Variants in SI observed in about 807,000 individuals in gnomAD.
SI encodes sucrase-isomaltase, intestinal.
A neutral mutation model predicts 253.3 loss-of-function variants in SI; 235 were observed. The ratio of observed to expected loss-of-function variants is 0.93; its 90% CI spans 0.83 to 1.03. The LOEUF is 1.03. Among genes scored for constraint, SI ranks in the 50% least tolerant of loss-of-function variants. The probability of loss-of-function intolerance (pLI) is 0.00; values close to 1 mark genes in which losing one functional copy is unlikely to be tolerated. For synonymous variants in SI, 819 were observed against 712.0 expected (o/e 1.15, Z -2.39); for missense variants, 2,442 against 2,211.1 (o/e 1.10, Z -2.09).
Position 165,046,935 on chromosome 3 carries a change from G to C in SI, c.1793C>G (p.Ala598Gly), listed in dbSNP as rs1447266919. The C allele has an allele frequency of 3.7e-6, 6 of 1,612,444 alleles. No individual in the cohort carries two copies. The South Asian group carries it at 5.5e-5, about 15-fold the overall frequency. Residue 598 changes from alanine to glycine, a missense_variant, in exon 16 of 48, where the codon GCT becomes GGT. Physicochemically the swap from Ala to Gly is moderately conservative, Grantham distance 60 (BLOSUM62 0). Transcript: ENST00000264382. ...AGTATTGTCTCCTAACCAATGCGCA[G>C]CATGTCTTCCAGATCCAGCAAATGT... is the stretch of plus-strand genomic sequence containing the variant. Reference protein sequence around the residue: ...RSTFAGSGRHAAHWLGDNTAS... With the variant: ...RSTFAGSGRHGAHWLGDNTAS...
intron 44 of SI, among the ~76,000 whole-genome samples, chr3:164,989,906 T>C (rs1017065545): frequency 6.6e-6 from 1 of 152,176 alleles, no homozygotes; most frequent in Non-Finnish European, 1.5e-5. Flanking sequence ...AAAATATCAG[T>C]GGTTGCCACG....
intron 37 of SI, among the ~76,000 whole-genome samples, chr3:165,003,891 A>C (rs1175706420): frequency 6.6e-6 from 1 of 152,104 alleles, no homozygotes. Flanking sequence ...GAGGAATGAG[A>C]AGACCATTAA....
chr3:165,021,111 G>A lies in SI; in HGVS notation c.3254+118C>T, dbSNP rs577359334. On this transcript the variant is annotated intron_variant, in intron 27 of 47. Transcript: ENST00000264382. ...TAAAATGGGCAAAGTTATTTAACACGTCTTAAATTTTTTTGTGTGATGCTA... is the reference window on the plus strand; with the variant it reads ...TAAAATGGGCAAAGTTATTTAACACATCTTAAATTTTTTTGTGTGATGCTA... 2.0e-4 allele frequency: 167 copies of A among 821,430 alleles called. No homozygotes were observed. In the African/African-American group the frequency reaches 2.2e-3, roughly 11 times the overall value. 50.9% of individuals were successfully genotyped at this position (821,430 alleles called of 1,614,324 possible).
chr3:165,007,791 A>T lies in SI; in HGVS notation c.4267+120T>A, dbSNP rs559025715. ...TATCAAACTGATTTTTTATATATAC[A>T]TATATATTCTATATATATATTCTAT... On this transcript the variant is annotated intron_variant, in intron 36 of 47. Transcript: ENST00000264382. 8.0e-4 allele frequency: 241 copies of T among 301,608 alleles called. 1 individual carries two copies. Among genetic ancestry groups the T allele is most frequent in the African/African-American group, 5.1e-3 (225 of 43,936 alleles). 18.7% of individuals were successfully genotyped at this position (301,608 alleles called of 1,614,324 possible). A position where few individuals can be genotyped will look rare whatever the true frequency, so the allele number is the denominator to read the frequency against.
chr3:165,049,481 T>A (rs753646428), intron 14 of SI, among the ~76,000 whole-genome samples: 8 of 152,272 alleles, frequency 5.3e-5, no homozygotes, highest in African/African-American at 9.6e-5. Flanking sequence ...GCAAATACTC[T>A]GTTTCCTAAC....
chr3:165,069,060 T>TC lies in SI; in HGVS notation c.373+17_373+18insG. ...TAGAATATATCATATTGAATCATTA[T>TC]AACAGAGGACTTCTTACCAATACTT... On this transcript the variant is annotated intron_variant, in intron 4 of 47. Transcript: ENST00000264382. 6.7e-7 allele frequency: 1 copy of TC among 1,498,042 alleles called. No individual in the cohort carries two copies. 92.8% of individuals were successfully genotyped at this position (1,498,042 alleles called of 1,614,324 possible).
chr3:165,075,052 T>G (rs1259386016), intron 2 of SI, among the ~76,000 whole-genome samples: 1 of 151,698 alleles, frequency 6.6e-6, no homozygotes, highest in Non-Finnish European at 1.5e-5. Flanking sequence ...TGAGAAGAAA[T>G]TAGAGAAGAG....
rs769969193 is a variant in SI, at chr3:165,074,512, A to G, written c.255+19T>C. On this transcript the variant is annotated intron_variant, in intron 3 of 47. Coordinates refer to ENST00000264382, the MANE Select transcript of SI (RefSeq NM_001041.4). Reference sequence around the variant, plus strand: ...AATGTATATATTCATTAAAAATATTAAAGACTTTTGCTGCAGACCTCTGTT... The same window carrying G: ...AATGTATATATTCATTAAAAATATTGAAGACTTTTGCTGCAGACCTCTGTT... The G allele has an allele frequency of 6.5e-7, 1 of 1,549,936 alleles. No individual in the cohort carries two copies.
At chr3:165,068,986 A>C in intron 4 of SI, 92 bp downstream of exon 4, 1 of 1,076,480 alleles carries the variant, frequency 9.3e-7, no homozygotes, top group Non-Finnish European at 1.4e-6. Context: ...TCAGGAACAT[A>C]TTTCTTATTT....
Position 164,984,781 on chromosome 3 carries a change from A to G in SI, c.5198-1730T>C, listed in dbSNP as rs142666613. The stretch of plus-strand genomic sequence containing the variant: ...TTGTTACCACATTATAATATATCAC[A>G]AAATTTGAACATGTTTGTTTAAAAG... On this transcript the variant is annotated intron_variant, in intron 45 of 47. Coordinates refer to ENST00000264382, the MANE Select transcript of SI (RefSeq NM_001041.4). Among the ~76,000 whole-genome samples, 10 of 152,284 alleles carry G rather than the reference A, an allele frequency of 6.6e-5. No homozygotes were observed. In the East Asian group the frequency reaches 1.9e-3, roughly 29 times the overall value.
At chr3:165,071,297 A>G (rs1231069306) in intron 3 of SI, among the ~76,000 whole-genome samples, 1 of 151,822 alleles carries the variant, frequency 6.6e-6, no homozygotes, top group African/African-American at 2.4e-5. Context: ...AGATTTTGAT[A>G]CTTGTTATTT....
At chr3:165,001,173 A>G (rs1311619557) in intron 37 of SI, among the ~76,000 whole-genome samples, 1 of 151,382 alleles carries the variant, frequency 6.6e-6, no homozygotes, top group Non-Finnish European at 1.5e-5. Flanking sequence ...ATCAATTTAT[A>G]AACATTTTCC....
intron 27 of SI, 36 bp downstream of exon 27, chr3:165,021,193 A>G: frequency 1.3e-6 from 2 of 1,583,986 alleles, no homozygotes; most frequent in Non-Finnish European, 8.7e-7. Context: ...AGCTAAAATT[A>G]AAATATCCTT....
In SI at chr3:165,067,472, CT is replaced by C. The variant is rs775341266; in HGVS notation, c.502del (p.Arg168GlufsTer10). 6.2e-7 allele frequency: 1 copy of C among 1,609,892 alleles called. No homozygotes were observed. Among genetic ancestry groups the C allele is most frequent in the Non-Finnish European group, 8.5e-7 (1 of 1,176,538 alleles). ...ATACTGATGAGGAACTTCATATCTT[CT>C]ATTATTTGGATCAGTAATCTGGAAA... Reference protein sequence around the residue: ...FRFKITDPNNRRYEVPHQYVK... With the variant: ...FRFKITDPNNXRYEVPHQYVK... On this transcript the variant is annotated frameshift_variant, in exon 6 of 48. Transcript: ENST00000264382. LOFTEE classifies it high-confidence loss of function.
Position 165,055,215 on chromosome 3 carries a change from C to CA in SI, c.1490dup (p.Gln498AlafsTer3). On this transcript the variant is annotated frameshift_variant, in exon 13 of 48. Coordinates refer to ENST00000264382, the MANE Select transcript of SI (RefSeq NM_001041.4). LOFTEE classifies it high-confidence loss of function. ...TTACAATCCAAAGTCCATCATATTG[C>CA]ACTTCTTGATGGAAAATACTGCATT... The CA allele has an allele frequency of 6.2e-7, 1 of 1,606,398 alleles. No individual in the cohort carries two copies. Among genetic ancestry groups the CA allele is most frequent in the Non-Finnish European group, 8.5e-7 (1 of 1,173,614 alleles).
intron 13 of SI, among the ~76,000 whole-genome samples, chr3:165,051,532 G>A (rs1219533102): frequency 6.6e-6 from 1 of 151,960 alleles, no homozygotes; most frequent in Non-Finnish European, 1.5e-5. Flanking sequence ...GCAAATAAGT[G>A]TAGGTAAACT....
chr3:165,039,873 C>A lies in SI; in HGVS notation c.2244+14G>T. ...AAGTTCAAACAATAAGGTTATTAAA[C>A]CTGTAGAGCCTACCTGTTTTAGAAC... is the stretch of plus-strand genomic sequence containing the variant. On this transcript the variant is annotated intron_variant, in intron 19 of 47. Transcript: ENST00000264382. 6.4e-7 allele frequency: 1 copy of A among 1,570,634 alleles called. No homozygotes were observed. The highest frequency in any genetic ancestry group is 1.1e-5 in the South Asian group (1 of 90,284).
intron 7 of SI, 24 bp downstream of exon 7, chr3:165,065,237 A>C: frequency 6.7e-7 from 1 of 1,496,158 alleles, no homozygotes; most frequent in Non-Finnish European, 9.3e-7. Context: ...GATTTTATTT[A>C]TAACAAGAAA....
rs1414329258 is a variant in SI, at chr3:164,992,219, T to C, written c.4941A>G (p.Val1647=). ...TPVLEPYVQT[V]NAYVPNARWF... is the part of the protein sequence containing the mutation. Reference sequence around the variant, plus strand: ...ACCGAGCATTGGGGACGTAGGCATTTACAGTTTGAACATACTGGAATGTAA... The same window carrying C: ...ACCGAGCATTGGGGACGTAGGCATTCACAGTTTGAACATACTGGAATGTAA... The change falls in exon 43 of 48, where the codon GTA becomes GTG. Residue 1647 remains valine (V), a synonymous_variant. Transcript: ENST00000264382. The C allele has an allele frequency of 6.2e-7, 1 of 1,612,562 alleles. No individual in the cohort carries two copies. Among genetic ancestry groups the C allele is most frequent in the East Asian group, 2.2e-5 (1 of 44,836 alleles).
Sources: allele counts gnomAD v4.1 joint callset (sites outside exome capture counted in the v4.1 genomes callset), GRCh38; gene constraint gnomAD v4.1.1; transcripts MANE v1.5; gene names NCBI Gene and HGNC (gene_info 2026-07-23, HGNC 2026-07-21).